PYCR3: variants seen among roughly 807,000 people sequenced by gnomAD.
The protein encoded by PYCR3 is pyrroline-5-carboxylate reductase 3, also known as P5C reductase 3.
A neutral mutation model predicts 23.4 loss-of-function variants in PYCR3; 26 were observed. The observed-to-expected ratio is 1.11, with a 90% CI of 0.81 to 1.54. The LOEUF is 1.54. PYCR3 is among the 40% of genes most tolerant of loss of function. The pLI, the probability that PYCR3 is intolerant of heterozygous loss-of-function variation, is 0.00. For missense variants in PYCR3, 360 were observed against 376.3 expected (o/e 0.96, Z 0.36); for synonymous variants, 194 against 162.6 (o/e 1.19, Z -1.47).
chr8:143,608,496 T>A, intron 1 of PYCR3: 1 of 350,102 alleles, frequency 2.9e-6, no homozygotes, highest in Non-Finnish European at 5.4e-6. Flanking sequence ...CAAAGGCAGT[T>A]GATTGGCCAC....
rs527745001 is a variant in PYCR3 at position 143,608,074 on chromosome 8, T to G, written c.144A>C (p.Leu48=). 2 of 1,613,456 alleles carry G rather than the reference T, an allele frequency of 1.2e-6. No individual in the cohort carries two copies. Among genetic ancestry groups the G allele is most frequent in the South Asian group, 1.1e-5 (1 of 91,090 alleles). ...ILASAPTDRN[L]CHFQALGCRT... ...GCTCTATGCTCACTTGAAAGTGACA[T>G]AGGTTCCTGTCTGTTGGTGCACTGG... The change falls in exon 2 of 6, where the codon CTA becomes CTC. Residue 48 remains leucine, a synonymous_variant. Coordinates refer to ENST00000495276, the MANE Select transcript of PYCR3 (RefSeq NM_023078.6).
intron 3 of PYCR3, 87 bp downstream of exon 3, chr8:143,606,866 T>C: frequency 6.8e-7 from 1 of 1,462,412 alleles, no homozygotes; most frequent in Non-Finnish European, 9.2e-7. Flanking sequence ...CGGCCACCTC[T>C]CAGGCTCTCT....
chr8:143,606,228 C>T (rs1023054382), intron 4 of PYCR3, 74 bp from the exon 5 acceptor site: 2 of 1,436,696 alleles, frequency 1.4e-6, no homozygotes, highest in African/African-American at 2.8e-5. Flanking sequence ...GGAACAATGC[C>T]CAGAGCAGTA....
chr8:143,606,373 A>C lies in PYCR3; in HGVS notation c.549+94T>G, dbSNP rs1389183434. The C allele has an allele frequency of 2.2e-6, 3 of 1,385,502 alleles. No homozygotes were observed. The African/African-American group carries it at 4.2e-5, about 20-fold the overall frequency. The allele number at this position is 1,385,502 out of a possible 1,614,324, so 85.8% of individuals were successfully genotyped here. On this transcript the variant is annotated intron_variant, in intron 4 of 5. Transcript: ENST00000495276. ...CTGGGGAGCAACCACGCAGGCCTCA[A>C]GGTTGGACTCTGAGGGCAGAGGCTG... is the stretch of plus-strand genomic sequence containing the variant.
Position 143,606,591 on chromosome 8 carries a change from C to T in PYCR3, c.425G>A (p.Arg142His), listed in dbSNP as rs760605838. Residue 142 changes from arginine (R) to histidine (H), a missense_variant, in exon 4 of 6, where the codon CGC becomes CAC. Physicochemically the swap from Arg to His is conservative, Grantham distance 29. Transcript: ENST00000495276. The part of the protein sequence containing the change: ...QEGAIVMARG[R>H]HVGSSETKLL... The stretch of plus-strand genomic sequence containing the variant: ...CTTGGTCTCGCTGCTCCCCACGTGG[C>T]GGCCCCGCGCCATCACTATGGCCCC... 3.1e-6 allele frequency: 5 copies of T among 1,611,966 alleles called. No homozygotes were observed. The highest frequency in any genetic ancestry group is 2.2e-5 in the South Asian group (2 of 90,918).
Position 143,607,134 on chromosome 8 carries a change from T to C in PYCR3, c.157-2A>G. ...GTGCGTGGTCCGGCAACCCAGAGCC[T>C]GCGCCAGGGACACCAGGACCAAGCC... On this transcript the variant is annotated splice_acceptor_variant, in intron 2 of 5. Coordinates refer to ENST00000495276, the MANE Select transcript of PYCR3 (RefSeq NM_023078.6). LOFTEE classifies it high-confidence loss of function. The C allele has an allele frequency of 3.8e-6, 6 of 1,562,834 alleles. No homozygotes were observed. Among genetic ancestry groups the C allele is most frequent in the South Asian group, 1.2e-5 (1 of 86,032 alleles).
Position 143,605,767 on chromosome 8 carries a change from A to G in PYCR3, c.758T>C (p.Leu253Pro), listed in dbSNP as rs199825286. 52 of 1,611,104 alleles carry G rather than the reference A, an allele frequency of 3.2e-5. No homozygotes were observed. The Admixed American group carries it at 6.5e-4, about 20-fold the overall frequency. ...CACGGCGCTCATGGTGGCTGCTCGC[A>G]GCCCGCCCTGCTCCAGGGCGTGGAG... ...YGLHALEQGGLRAATMSAVEA... is the reference protein window; with the variant it reads ...YGLHALEQGGPRAATMSAVEA... Residue 253 changes from leucine to proline, a missense_variant, in exon 6 of 6, where the codon CTG (leucine) becomes CCG (proline). Transcript: ENST00000495276.
At chr8:143,608,442 G>C (rs1244054809) in intron 1 of PYCR3, 2 of 430,582 alleles carry the variant, frequency 4.6e-6, no homozygotes, top group Non-Finnish European at 8.5e-6. Flanking sequence ...AGAAGAGGCA[G>C]TACCTCTGGA....
rs1829359484 is a variant in PYCR3, at chr8:143,605,206, C to T, written c.*494G>A. The T allele has an allele frequency of 3.0e-6, 1 of 331,626 alleles. No homozygotes were observed. Among genetic ancestry groups the T allele is most frequent in the East Asian group, 9.0e-5 (1 of 11,164 alleles). The allele number at this position is 331,626 out of a possible 1,614,324, so 20.5% of individuals were successfully genotyped here. A position where few individuals can be genotyped will look rare whatever the true frequency, so the allele number is the denominator to read the frequency against. Reference sequence around the variant, plus strand: ...GGCTTTACTGCAGGGGAGAGGGTCTCTTGTGCAGACCCCATATGGCTCGTG... The same window carrying T: ...GGCTTTACTGCAGGGGAGAGGGTCTTTTGTGCAGACCCCATATGGCTCGTG... On this transcript the variant is annotated 3_prime_UTR_variant, in exon 6 of 6. Transcript: ENST00000495276.
chr8:143,607,848 TACAC>T (rs143951454), intron 2 of PYCR3, among the ~76,000 whole-genome samples: 5 of 151,732 alleles, frequency 3.3e-5, no homozygotes, highest in African/African-American at 9.7e-5. Context: ...CACACATGCA[TACAC>T]ACACACACAC....
At chr8:143,608,452 A>G in intron 1 of PYCR3, 1 of 409,362 alleles carries the variant, frequency 2.4e-6, no homozygotes, top group Non-Finnish European at 4.5e-6. Context: ...GTACCTCTGG[A>G]GGAACACCAG....
chr8:143,605,961 C>A (rs1829384955), intron 5 of PYCR3, 79 bp from the exon 6 acceptor site: 2 of 1,562,646 alleles, frequency 1.3e-6, no homozygotes, highest in African/African-American at 1.4e-5. Context: ...TTGCATCCCC[C>A]AACCTTGGCC....
At chr8:143,606,904 C>A in intron 3 of PYCR3, 49 bp downstream of exon 3, 1 of 1,525,322 alleles carries the variant, frequency 6.6e-7, no homozygotes, top group Non-Finnish European at 8.8e-7. Context: ...CCAAGCCTGG[C>A]CAGCAGAGCC....
chr8:143,607,117 T>G lies in PYCR3; in HGVS notation c.172A>C (p.Thr58Pro), dbSNP rs1235744896. ...LCHFQALGCR[T>P]THSNQEVLQS... ...AGCACCTCCTGGTTGGAGTGCGTGG[T>G]CCGGCAACCCAGAGCCTGCGCCAGG... is the stretch of plus-strand genomic sequence containing the variant. The change falls in exon 3 of 6, where the codon ACC (threonine) becomes CCC (proline). Residue 58 changes from threonine to proline, a missense_variant. Coordinates refer to ENST00000495276, the MANE Select transcript of PYCR3 (RefSeq NM_023078.6). 3 of 1,590,010 alleles carry G rather than the reference T, an allele frequency of 1.9e-6. No homozygotes were observed. The highest frequency in any genetic ancestry group is 2.3e-5 in the East Asian group (1 of 43,516).
rs1028265936 is a variant in PYCR3 at position 143,605,586 on chromosome 8, G to C, written c.*114C>G. The stretch of plus-strand genomic sequence containing the variant: ...CCCCCTGCATTTCCCTGTGCAAGGG[G>C]AGAAGGAGCAGTAGGAGACCCTCAT... On this transcript the variant is annotated 3_prime_UTR_variant, in exon 6 of 6. Coordinates refer to ENST00000495276, the MANE Select transcript of PYCR3 (RefSeq NM_023078.6). The C allele has an allele frequency of 3.0e-6, 3 of 992,752 alleles. No individual in the cohort carries two copies. Among genetic ancestry groups the C allele is most frequent in the Non-Finnish European group, 4.4e-6 (3 of 686,784 alleles). 61.5% of individuals were successfully genotyped at this position (992,752 alleles called of 1,614,324 possible).
chr8:143,605,640 G>T lies in PYCR3; in HGVS notation c.*60C>A. The T allele has an allele frequency of 6.7e-7, 1 of 1,481,726 alleles. No individual in the cohort carries two copies. The highest frequency in any genetic ancestry group is 9.2e-7 in the Non-Finnish European group (1 of 1,086,986). 91.8% of individuals were successfully genotyped at this position (1,481,726 alleles called of 1,614,324 possible). A position where few individuals can be genotyped will look rare whatever the true frequency, so the allele number is the denominator to read the frequency against. On this transcript the variant is annotated 3_prime_UTR_variant, in exon 6 of 6. Coordinates refer to ENST00000495276, the MANE Select transcript of PYCR3 (RefSeq NM_023078.6). ...GGAGGGAGGGAGCCGCAGTCCTCAG[G>T]GGAAGGGACACAGGGAGAGGCAGGG...
chr8:143,604,926 A>G lies in PYCR3; in HGVS notation c.*774T>C, dbSNP rs749367145. Reference sequence around the variant, plus strand: ...CACTTGTCAGGAGCTTAGGATTGGGAGGAAAGAGGGAGCCTGTATCCAGAC... The same window carrying G: ...CACTTGTCAGGAGCTTAGGATTGGGGGGAAAGAGGGAGCCTGTATCCAGAC... On this transcript the variant is annotated 3_prime_UTR_variant, in exon 6 of 6. Coordinates refer to ENST00000495276, the MANE Select transcript of PYCR3 (RefSeq NM_023078.6). 3.9e-6 allele frequency: 2 copies of G among 510,734 alleles called. No individual in the cohort carries two copies. Among genetic ancestry groups the G allele is most frequent in the Non-Finnish European group, 7.8e-6 (2 of 256,466 alleles). The allele number at this position is 510,734 out of a possible 1,614,324, so 31.6% of individuals were successfully genotyped here. A position where few individuals can be genotyped will look rare whatever the true frequency, so the allele number is the denominator to read the frequency against.
At chr8:143,608,822 C>T in intron 1 of PYCR3, 1 of 456,584 alleles carries the variant, frequency 2.2e-6, no homozygotes, top group South Asian at 1.5e-5. Context: ...ACTCCTGAGA[C>T]TCATAGTAAG....
At chr8:143,607,745 G>C (rs1001931431) in intron 2 of PYCR3, among the ~76,000 whole-genome samples, 1 of 146,514 alleles carries the variant, frequency 6.8e-6, no homozygotes, top group Non-Finnish European at 1.5e-5. Flanking sequence ...ACAAGCGCAC[G>C]TGCAAACGCA....
Sources: allele counts gnomAD v4.1 joint callset (sites outside exome capture counted in the v4.1 genomes callset), GRCh38; gene constraint gnomAD v4.1.1; transcripts MANE v1.5; gene names NCBI Gene and HGNC (gene_info 2026-07-23, HGNC 2026-07-21).